Variants in RBBP8 observed in about 807,000 individuals in gnomAD.
RBBP8 encodes the protein RB binding protein 8, endonuclease.
In RBBP8, 88 loss-of-function variants were observed where a neutral mutation model predicts 108.3. The observed-to-expected ratio is 0.81, with a 90% CI of 0.68 to 0.97. The LOEUF is 0.97. RBBP8 is among the 50% of genes least tolerant of loss of function. The pLI is 0.00. For missense variants in RBBP8, 1,023 were observed against 1,049.0 expected (o/e 0.98, Z 0.34); for synonymous variants, 332 against 348.2 (o/e 0.95, Z 0.52).
intron 14 of RBBP8, among the ~76,000 whole-genome samples, chr18:22,999,987 C>G (rs1244055767): frequency 6.6e-6 from 1 of 152,078 alleles, no homozygotes; most frequent in Non-Finnish European, 1.5e-5. Flanking sequence ...CTTCAGCATG[C>G]AGAATAAATG....
intron 15 of RBBP8, among the ~76,000 whole-genome samples, chr18:23,002,942 A>G (rs962966517): frequency 2.6e-5 from 4 of 152,158 alleles, no homozygotes; most frequent in African/African-American, 9.7e-5. Flanking sequence ...CCTTTTGCAA[A>G]TAGGTTTCAT....
At chr18:23,008,254 T>TTTAGG (rs2046093760) in intron 16 of RBBP8, among the ~76,000 whole-genome samples, 1 of 151,390 alleles carries the variant, frequency 6.6e-6, no homozygotes, top group African/African-American at 2.4e-5. Context: ...TATTTTTTTC[T>TTTAGG]TTAAGATGTT....
intron 2 of RBBP8, among the ~76,000 whole-genome samples, chr18:22,940,511 G>A (rs968214089): frequency 2.0e-5 from 3 of 151,842 alleles, no homozygotes; most frequent in East Asian, 1.9e-4. Context: ...TAGTAGAGAC[G>A]GGGTTTCACT....
At chr18:22,947,997 T>A (rs1405993448) in intron 3 of RBBP8, among the ~76,000 whole-genome samples, 1 of 152,092 alleles carries the variant, frequency 6.6e-6, no homozygotes, top group Admixed American at 6.6e-5. Context: ...AACTCACTAC[T>A]ATTACAGAGT....
chr18:22,961,317 T>C (rs1207150346), intron 4 of RBBP8, among the ~76,000 whole-genome samples: 2 of 152,220 alleles, frequency 1.3e-5, no homozygotes, highest in Non-Finnish European at 2.9e-5. Context: ...GGGGCCCAGC[T>C]ATACAGGTAG....
At chr18:22,924,184 A>C (rs964198343) in intron 3 of RBBP8, among the ~76,000 whole-genome samples, 23 of 122,610 alleles carry the variant, frequency 1.9e-4, no homozygotes, top group African/African-American at 7.0e-4. Flanking sequence ...GCTGGAGTGC[A>C]GTGGTGCAAT....
intron 13 of RBBP8, among the ~76,000 whole-genome samples, chr18:22,997,299 A>G (rs1229195881): frequency 1.3e-5 from 2 of 152,194 alleles, no homozygotes; most frequent in Non-Finnish European, 2.9e-5. Flanking sequence ...TTCTTAGTGT[A>G]CATTGATGTT....
At position 22,992,127 on chromosome 18, in the gene RBBP8, T is replaced by C. The variant is rs1295928230; in HGVS notation, c.921-621T>C. On this transcript the variant is annotated intron_variant, in intron 10 of 18. Coordinates refer to ENST00000327155, the MANE Select transcript of RBBP8 (RefSeq NM_002894.3). The stretch of plus-strand genomic sequence containing the variant: ...TCTTAATTTATGTTCAATTCTGTAG[T>C]GTAAGAATTTTGTTTCTTGGAGTTA... 2.0e-5 allele frequency among the ~76,000 whole-genome samples: 3 copies of C among 152,326 alleles called. No homozygotes were observed. In the East Asian group the frequency reaches 5.8e-4, roughly 29 times the overall value.
Position 22,984,984 on chromosome 18 carries a change from A to G in RBBP8, c.703A>G (p.Met235Val), listed in dbSNP as rs540122133. 40 of 1,611,238 alleles carry G rather than the reference A, an allele frequency of 2.5e-5. No individual in the cohort carries two copies. The highest frequency in any genetic ancestry group is 5.5e-5 in the South Asian group (5 of 90,924). ...CACTTATGACCAAAGTCAATCTCCA[A>G]TGGCCAGTAAGCAAGATACTGAGAT... ...ADTYDQSQSP[M>V]AKAHGTSSYT... Residue 235 changes from methionine (M) to valine (V), a missense_variant, in exon 8 of 19, where the codon ATG becomes GTG. Transcript: ENST00000327155.
chr18:22,964,258 A>G (rs1184064401), intron 4 of RBBP8, among the ~76,000 whole-genome samples: 3 of 152,148 alleles, frequency 2.0e-5, no homozygotes, highest in Non-Finnish European at 1.5e-5. Context: ...CTCTTTAAAA[A>G]GAAAAAAATT....
Position 23,019,822 on chromosome 18 carries a change from C to T in RBBP8, c.2455-2307C>T, listed in dbSNP as rs1463501796. Among the ~76,000 whole-genome samples the T allele has an allele frequency of 7.0e-5, 10 of 143,660 alleles. No individual in the cohort carries two copies. In the South Asian group the frequency reaches 1.8e-3, roughly 25 times the overall value. The allele number at this position is 143,660 out of a possible 152,430, so 94.2% of individuals were successfully genotyped here. The stretch of plus-strand genomic sequence containing the variant: ...TGTTGCCCAGGCTGAAGCACAGTGG[C>T]GCGATTTCGGCTCACTGCAAGCTCC... On this transcript the variant is annotated intron_variant, in intron 17 of 18. Coordinates refer to ENST00000327155, the MANE Select transcript of RBBP8 (RefSeq NM_002894.3).
At chr18:22,966,374 T>TATGA (rs141663417) in intron 4 of RBBP8, among the ~76,000 whole-genome samples, 1 of 152,292 alleles carries the variant, frequency 6.6e-6, no homozygotes, top group East Asian at 1.9e-4. Flanking sequence ...TAATGCTACA[T>TATGA]ATGACTTCCT....
rs776788705 is a variant in RBBP8, at chr18:23,026,263, A to T, written c.*23A>T. 104 of 1,586,712 alleles carry T rather than the reference A, an allele frequency of 6.6e-5. No individual in the cohort carries two copies. Among genetic ancestry groups the T allele is most frequent in the Non-Finnish European group, 8.6e-5 (99 of 1,155,846 alleles). Reference sequence around the variant, plus strand: ...TAGACGTTGAAACAGAAACAGAAGGATGAAGGACAGTTTTTTCCTTCTTAG... The same window carrying T: ...TAGACGTTGAAACAGAAACAGAAGGTTGAAGGACAGTTTTTTCCTTCTTAG... On this transcript the variant is annotated 3_prime_UTR_variant, in exon 19 of 19. Transcript: ENST00000327155.
intron 4 of RBBP8, among the ~76,000 whole-genome samples, chr18:22,966,030 T>TAA (rs1913554079): frequency 6.6e-6 from 1 of 152,236 alleles, no homozygotes; most frequent in African/African-American, 2.4e-5. Context: ...CAGCTTTTCC[T>TAA]ATCATTGGCT....
At chr18:23,019,484 G>A (rs2046312714) in intron 17 of RBBP8, among the ~76,000 whole-genome samples, 1 of 152,118 alleles carries the variant, frequency 6.6e-6, no homozygotes, top group Non-Finnish European at 1.5e-5. Flanking sequence ...TGCCTATTCT[G>A]CAAGTGGAGT....
chr18:23,001,019 C>T (rs556106034), intron 14 of RBBP8, among the ~76,000 whole-genome samples: 4 of 152,312 alleles, frequency 2.6e-5, no homozygotes, highest in African/African-American at 9.6e-5. Context: ...TCCACAAACA[C>T]TTCACTACAT....
intron 2 of RBBP8, chr18:22,937,208 C>A: frequency 1.7e-6 from 1 of 574,966 alleles, no homozygotes; most frequent in South Asian, 2.0e-5. Context: ...TCCCACCCCC[C>A]TGACCCTCCA....
intron 4 of RBBP8, among the ~76,000 whole-genome samples, chr18:22,963,438 TG>T (rs1913289864): frequency 6.6e-6 from 1 of 152,212 alleles, no homozygotes; most frequent in Admixed American, 6.5e-5. Context: ...TTTTTTCATA[TG>T]CTTAGTGTTC....
intron 6 of RBBP8, among the ~76,000 whole-genome samples, chr18:22,978,908 C>G (rs116402143): frequency 3.9e-5 from 6 of 152,310 alleles, no homozygotes; most frequent in African/African-American, 1.4e-4. Flanking sequence ...TCATTCTACA[C>G]TGTAAACATG....
Sources: gnomAD v4.1 joint callset for allele counts (sites outside exome capture counted in the v4.1 genomes callset) on GRCh38, gnomAD v4.1.1 for gene constraint, MANE v1.5 for transcripts, NCBI Gene and HGNC (gene_info 2026-07-23, HGNC 2026-07-21) for gene names.